The following FAM209A variants were observed in gnomAD, a reference collection of about 807,000 sequenced individuals.
FAM209A encodes family with sequence similarity 209 member A.
FAM209A carries 4 observed loss-of-function variants against 9.8 expected under a neutral mutation model. That is an observed-to-expected ratio of 0.41 (90% confidence interval 0.20 to 0.94). The LOEUF (loss-of-function observed/expected upper bound fraction) is 0.94. Among genes scored for constraint, FAM209A ranks in the 40% least tolerant of loss-of-function variants. The pLI is 0.32. For synonymous variants in FAM209A, 55 were observed against 77.8 expected, an observed-to-expected ratio of 0.71 and a Z score of 1.54; for missense variants, 205 against 209.4, an observed-to-expected ratio of 0.98 and a Z score of 0.13.
downstream of FAM209A, among the ~76,000 whole-genome samples, chr20:56,530,935 C>T (rs995906866): frequency 1.3e-5 from 2 of 152,140 alleles, no homozygotes; most frequent in Non-Finnish European, 2.9e-5. Context: ...AGTAAATCTG[C>T]GAATCAGAGC....
downstream of FAM209A, among the ~76,000 whole-genome samples, chr20:56,528,427 C>CAAA (rs34236877): frequency 1.1e-3 from 92 of 81,458 alleles, no homozygotes; most frequent in African/African-American, 1.4e-3. Context: ...ACCCTCTCTA[C>CAAA]AAAAAAAAAA....
downstream of FAM209A, chr20:56,526,170 T>G (rs1036315278): frequency 6.1e-6 from 9 of 1,465,338 alleles, no homozygotes; most frequent in African/African-American, 1.4e-5. Context: ...GTTTGAGAGC[T>G]TGCTTCTTTT....
At chr20:56,529,550 C>G (rs1985672049), downstream of FAM209A, among the ~76,000 whole-genome samples, 2 of 151,352 alleles carry the variant, frequency 1.3e-5, no homozygotes, top group Non-Finnish European at 2.9e-5. Flanking sequence ...AAATACAGGC[C>G]TGGCACAATG....
downstream of FAM209A, among the ~76,000 whole-genome samples, chr20:56,526,405 T>C (rs1985532582): frequency 1.3e-5 from 2 of 152,226 alleles, no homozygotes; most frequent in South Asian, 4.1e-4. Context: ...ATACAAACTC[T>C]TGCTCTCTAT....
chr20:56,530,387 G>T (rs1001956663), downstream of FAM209A, among the ~76,000 whole-genome samples: 4 of 152,186 alleles, frequency 2.6e-5, no homozygotes, highest in South Asian at 2.1e-4. Context: ...AGTTGGGTTT[G>T]CTGGGTTGAT....
chr20:56,533,376 T>C, the FAM209A span: 2 of 1,614,184 alleles, frequency 1.2e-6, no homozygotes, highest in Non-Finnish European at 1.7e-6. Flanking sequence ...GTCCTGCTTC[T>C]GTGCCTCACC....
At chr20:56,531,156 C>T in the FAM209A span, among the ~76,000 whole-genome samples, 1 of 152,252 alleles carries the variant, frequency 6.6e-6, no homozygotes, top group African/African-American at 2.4e-5. Flanking sequence ...CCATTTTACC[C>T]ACCAACTCCT....
intron 1 of FAM209A, 84 bp downstream of exon 1, chr20:56,525,141 G>A (rs1189782762): frequency 8.4e-6 from 13 of 1,555,718 alleles, no homozygotes; most frequent in East Asian, 2.3e-5. Context: ...GAGTCTAGAC[G>A]GCACCGTTGG....
downstream of FAM209A, among the ~76,000 whole-genome samples, chr20:56,528,243 G>T (rs572868027): frequency 6.6e-6 from 1 of 151,772 alleles, no homozygotes; most frequent in Non-Finnish European, 1.5e-5. Flanking sequence ...TGATTGCACC[G>T]TAGTGCTACA....
chr20:56,526,117 G>C lies in FAM209A; in HGVS notation c.*47G>C. ...GAAAAAAGTTGAGTGTTGACAAACTGTATGCAAACTAATAAAACTATTCTG... is the reference window on the plus strand; with the variant it reads ...GAAAAAAGTTGAGTGTTGACAAACTCTATGCAAACTAATAAAACTATTCTG... On this transcript the variant is annotated 3_prime_UTR_variant, in exon 2 of 2. Coordinates refer to ENST00000371328, the MANE Select transcript of FAM209A (RefSeq NM_001012971.4). The C allele has an allele frequency of 6.6e-7, 1 of 1,522,412 alleles. No homozygotes were observed. The highest frequency in any genetic ancestry group is 8.8e-7 in the Non-Finnish European group (1 of 1,138,362). 94.3% of individuals were successfully genotyped at this position (1,522,412 alleles called of 1,614,324 possible).
At chr20:56,525,510 A>G (rs1186632346) in intron 1 of FAM209A, among the ~76,000 whole-genome samples, 1 of 152,232 alleles carries the variant, frequency 6.6e-6, no homozygotes, top group Non-Finnish European at 1.5e-5. Context: ...GATGTAAGGT[A>G]GTTTGAGCTG....
downstream of FAM209A, among the ~76,000 whole-genome samples, chr20:56,527,184 G>T (rs935532740): frequency 6.6e-6 from 1 of 151,916 alleles, no homozygotes; most frequent in Non-Finnish European, 1.5e-5. Flanking sequence ...ATTGATGGAT[G>T]GGTTTCTGTA....
chr20:56,528,366 G>A (rs182438796), downstream of FAM209A, among the ~76,000 whole-genome samples: 232 of 144,100 alleles, frequency 1.6e-3, no homozygotes, highest in South Asian at 4.4e-3. Flanking sequence ...ATTGGGGAAG[G>A]CAGATCACTT....
chr20:56,532,000 A>G, the FAM209A span, among the ~76,000 whole-genome samples: 4 of 107,950 alleles, frequency 3.7e-5, no homozygotes, highest in Non-Finnish European at 7.1e-5. Flanking sequence ...TTTGAGACTG[A>G]GCCCTGCTCT....
At chr20:56,525,344 G>T (rs1985477844) in intron 1 of FAM209A, among the ~76,000 whole-genome samples, 1 of 152,132 alleles carries the variant, frequency 6.6e-6, no homozygotes, top group South Asian at 2.1e-4. Flanking sequence ...AGAACTTATG[G>T]TGTGTTTCAG....
downstream of FAM209A, among the ~76,000 whole-genome samples, chr20:56,526,468 A>G (rs369406953): frequency 3.3e-5 from 5 of 152,214 alleles, 1 homozygote; most frequent in East Asian, 1.9e-4. Context: ...ATTTATTACA[A>G]AAGACAGCAT....
the FAM209A span, among the ~76,000 whole-genome samples, chr20:56,532,510 A>T: frequency 8.7e-6 from 1 of 115,002 alleles, no homozygotes. Context: ...TTTGAGACAG[A>T]GTCTTGCTCT....
chr20:56,530,091 C>A (rs1002002793), downstream of FAM209A, among the ~76,000 whole-genome samples: 1 of 150,668 alleles, frequency 6.6e-6, no homozygotes, highest in Non-Finnish European at 1.5e-5. Context: ...CAACCATCCA[C>A]CCATCCATCC....
intron 1 of FAM209A, 54 bp from the exon 2 acceptor site, chr20:56,525,750 G>A: frequency 3.2e-6 from 5 of 1,578,830 alleles, no homozygotes; most frequent in Non-Finnish European, 4.3e-6. Context: ...CACGAACTGT[G>A]TCAAAACCAA....
Sources: allele counts gnomAD v4.1 joint callset (sites outside exome capture counted in the v4.1 genomes callset), GRCh38; gene constraint gnomAD v4.1.1; transcripts MANE v1.5; gene names NCBI Gene and HGNC (gene_info 2026-07-23, HGNC 2026-07-21).